Variants in ZFX observed in about 807,000 individuals in gnomAD.
ZFX encodes zinc finger protein X-linked, also known as zinc finger X-chromosomal protein.
For synonymous variants in ZFX, 196 were observed against 226.8 expected (o/e 0.86, Z 1.22); for missense variants, 362 against 628.3 (o/e 0.58, Z 4.53).
At chrX:24,199,708 A>C (rs1387792746) in intron 5 of ZFX, among the ~76,000 whole-genome samples, 4 of 110,702 alleles carry the variant, frequency 3.6e-5, no homozygotes, top group African/African-American at 1.3e-4. Flanking sequence ...ACCTGAAGTA[A>C]GGAGTTCAAG....
chrX:24,206,946 G>T (rs1370901193), intron 5 of ZFX, among the ~76,000 whole-genome samples: 5 of 110,941 alleles, frequency 4.5e-5, no homozygotes, highest in Non-Finnish European at 9.4e-5. Context: ...ATTTGTAAAA[G>T]AACTTTTGCC....
chrX:24,189,949 A>C (rs1169927244), intron 5 of ZFX, among the ~76,000 whole-genome samples: 1 of 112,286 alleles, frequency 8.9e-6, no homozygotes, highest in Non-Finnish European at 1.9e-5. Context: ...ACACAGGAAA[A>C]AGTTTGGAAT....
chrX:24,212,955 G>A lies in ZFX; in HGVS notation c.*1579G>A, dbSNP rs747205596. On this transcript the variant is annotated 3_prime_UTR_variant, in exon 10 of 10. Transcript: ENST00000304543. Reference sequence around the variant, plus strand: ...CTGTTGCCCAGGCTGGACTGCAGTGGTGTGATCACTGCAACCTCTGCAGCT... The same window carrying A: ...CTGTTGCCCAGGCTGGACTGCAGTGATGTGATCACTGCAACCTCTGCAGCT... The A allele has an allele frequency of 9.1e-6, 1 of 110,348 alleles. No individual in the cohort carries two copies. Among genetic ancestry groups the A allele is most frequent in the East Asian group, 2.8e-4 (1 of 3,523 alleles). The allele number at this position is 110,348 out of a possible 1,213,427, so 9.1% of individuals were successfully genotyped here.
rs1569174138 is a variant in ZFX at position 24,211,375 on chromosome X, A to G, written c.2417A>G (p.Ter806=). 5 of 1,210,473 alleles carry G rather than the reference A, an allele frequency of 4.1e-6. No individual in the cohort carries two copies. Among genetic ancestry groups the G allele is most frequent in the Non-Finnish European group, 4.5e-6 (4 of 895,240 alleles). The change falls in exon 10 of 10, where the codon TAA becomes TGA. Residue 806 remains the stop codon, a stop_retained_variant. Coordinates refer to ENST00000304543, the MANE Select transcript of ZFX (RefSeq NM_003410.4). The part of the protein sequence containing the change: ...MRHHKEVGLP[*] The stretch of plus-strand genomic sequence containing the variant: ...CATCATAAAGAAGTTGGCCTGCCCT[A>G]ACAATACTTCTACAGAACGTTTGTA...
intron 5 of ZFX, among the ~76,000 whole-genome samples, chrX:24,196,617 C>A (rs1467811246): frequency 9.1e-6 from 1 of 110,029 alleles, no homozygotes; most frequent in Admixed American, 9.6e-5. Flanking sequence ...TTTTGGGAGA[C>A]AGGATCTTGC....
rs142947188 is a variant in ZFX at position 24,210,266 on chromosome X, G to A, written c.1308G>A (p.Ser436=). 3.5e-4 allele frequency: 422 copies of A among 1,209,626 alleles called. 2 individuals are homozygous for A. The African/African-American group carries it at 5.2e-3, about 15-fold the overall frequency. Reference sequence around the variant, plus strand: ...TGATTTGTGGGAAGAAGTTTAAGTCGAGAGGTTTTTTGAAAAGGCACATGA... The same window carrying A: ...TGATTTGTGGGAAGAAGTTTAAGTCAAGAGGTTTTTTGAAAAGGCACATGA... The part of the protein sequence containing the change: ...PCMICGKKFK[S]RGFLKRHMKN... The change falls in exon 10 of 10, where the codon TCG becomes TCA. Residue 436 remains serine, a synonymous_variant. Transcript: ENST00000304543.
chrX:24,182,767 G>GA (rs200764687), intron 5 of ZFX, among the ~76,000 whole-genome samples: 16 of 108,224 alleles, frequency 1.5e-4, no homozygotes, highest in Non-Finnish European at 1.9e-4. Context: ...AGACTTAAGG[G>GA]AAAAAAAAAA....
chrX:24,182,741 A>G (rs1935786251), intron 5 of ZFX, among the ~76,000 whole-genome samples: 1 of 111,329 alleles, frequency 9.0e-6, no homozygotes, highest in Non-Finnish European at 1.9e-5. Context: ...GGCGAAAGTA[A>G]GTTGAACATG....
intron 4 of ZFX, among the ~76,000 whole-genome samples, chrX:24,178,132 G>A (rs373792263): frequency 2.2e-4 from 24 of 109,148 alleles, no homozygotes; most frequent in Admixed American, 1.4e-3. Flanking sequence ...GGGTTTCACC[G>A]TGTTAGCCAG....
chrX:24,184,673 C>G (rs1935958126), intron 5 of ZFX, among the ~76,000 whole-genome samples: 1 of 109,841 alleles, frequency 9.1e-6, no homozygotes, highest in African/African-American at 3.3e-5. Flanking sequence ...TTTTAATGTT[C>G]CTGAAAAAGT....
intron 3 of ZFX, among the ~76,000 whole-genome samples, chrX:24,163,241 A>G (rs866249610): frequency 8.2e-5 from 6 of 72,906 alleles, no homozygotes; most frequent in Non-Finnish European, 1.2e-4. Flanking sequence ...GTGTGTGTGT[A>G]CATGTACATG....
chrX:24,192,476 A>G (rs183457906), intron 5 of ZFX, among the ~76,000 whole-genome samples: 2 of 111,798 alleles, frequency 1.8e-5, no homozygotes, highest in African/African-American at 6.5e-5. Flanking sequence ...AAGTTTAATT[A>G]GAGTTTGAGA....
At chrX:24,152,581 G>T (rs1227984120) in intron 2 of ZFX, 139 bp from the exon 3 acceptor site, 1 of 112,046 alleles carries the variant, frequency 8.9e-6, no homozygotes, top group Admixed American at 9.5e-5. Context: ...ATTATAAAGG[G>T]CTATGGTTTA....
chrX:24,157,057 T>G (rs1056719513), intron 3 of ZFX, among the ~76,000 whole-genome samples: 4 of 112,321 alleles, frequency 3.6e-5, no homozygotes, highest in African/African-American at 1.3e-4. Flanking sequence ...TTTGTCATTT[T>G]CTGTGAAAAC....
chrX:24,190,363 T>G (rs1476199070), intron 5 of ZFX, among the ~76,000 whole-genome samples: 1 of 112,223 alleles, frequency 8.9e-6, no homozygotes, highest in African/African-American at 3.2e-5. Context: ...AATTGTATCT[T>G]TACTGTAAAC....
chrX:24,153,192 C>T (rs1413956497), intron 3 of ZFX, among the ~76,000 whole-genome samples: 2 of 111,703 alleles, frequency 1.8e-5, no homozygotes, highest in East Asian at 5.6e-4. Context: ...AACTTTTTTT[C>T]ACTCTTAAAA....
intron 4 of ZFX, among the ~76,000 whole-genome samples, chrX:24,174,763 G>T (rs1934979473): frequency 9.1e-6 from 1 of 110,477 alleles, no homozygotes; most frequent in African/African-American, 3.3e-5. Context: ...GCCTGGGCTA[G>T]AGTACGGTGG....
chrX:24,151,190 C>T (rs1932073499), intron 1 of ZFX, among the ~76,000 whole-genome samples: 1 of 112,063 alleles, frequency 8.9e-6, no homozygotes, highest in Non-Finnish European at 1.9e-5. Context: ...ATGCACCGTG[C>T]TAGATGCTAA....
intron 5 of ZFX, among the ~76,000 whole-genome samples, chrX:24,187,178 C>G (rs1410421556): frequency 5.4e-5 from 6 of 111,975 alleles, no homozygotes; most frequent in Admixed American, 2.8e-4. Flanking sequence ...ATCTGCAGGT[C>G]TGATCATAGT....
Sources: allele counts gnomAD v4.1 joint callset (sites outside exome capture counted in the v4.1 genomes callset), GRCh38; gene constraint gnomAD v4.1.1; transcripts MANE v1.5; gene names NCBI Gene and HGNC (gene_info 2026-07-23, HGNC 2026-07-21).